Variants in FSTL4 observed in about 807,000 individuals in gnomAD.
FSTL4 encodes follistatin like 4.
A neutral mutation model predicts 78.2 loss-of-function variants in FSTL4; 28 were observed. The ratio of observed to expected loss-of-function variants is 0.36; its 90% CI spans 0.27 to 0.49. The LOEUF is 0.49. FSTL4 is among the 20% of genes least tolerant of loss of function. FSTL4 has a pLI of 0.98. For missense variants in FSTL4, 922 were observed against 1,084.9 expected (o/e 0.85, Z 2.11); for synonymous variants, 422 against 440.5 (o/e 0.96, Z 0.53).
At chr5:133,202,433 G>C (rs953767753) in intron 14 of FSTL4, 1 of 155,590 alleles carries the variant, frequency 6.4e-6, no homozygotes, top group South Asian at 2.0e-4. Context: ...ACCTCCTCTC[G>C]TAATGGGGAA....
chr5:133,808,592 A>G, the FSTL4 span, among the ~76,000 whole-genome samples: 6 of 152,222 alleles, frequency 3.9e-5, no homozygotes, highest in Non-Finnish European at 8.8e-5. Flanking sequence ...AAAATTAAAG[A>G]GAAAAGTTAA....
the FSTL4 span, among the ~76,000 whole-genome samples, chr5:133,815,434 C>T: frequency 9.9e-5 from 15 of 152,250 alleles, no homozygotes; most frequent in Admixed American, 5.2e-4. Context: ...GAGAGATTCA[C>T]GTTGGGTAAA....
In FSTL4 at chr5:133,513,785, C is replaced by T. The variant is rs192245174; in HGVS notation, c.160+53401G>A. On this transcript the variant is annotated intron_variant, in intron 3 of 15. Coordinates refer to ENST00000265342, the MANE Select transcript of FSTL4 (RefSeq NM_015082.2). Reference sequence around the variant, plus strand: ...AGGTGGGAGTAGAATCTGTACATTGCGACAAACAGAACATTATCCTGAAGG... The same window carrying T: ...AGGTGGGAGTAGAATCTGTACATTGTGACAAACAGAACATTATCCTGAAGG... Among the ~76,000 whole-genome samples, 366 of 152,148 alleles carry T rather than the reference C, an allele frequency of 2.4e-3. 1 individual carries two copies. Among genetic ancestry groups the T allele is most frequent in the Non-Finnish European group, 4.3e-3 (291 of 67,992 alleles).
the FSTL4 span, among the ~76,000 whole-genome samples, chr5:133,750,595 C>T: frequency 1.3e-5 from 2 of 152,086 alleles, no homozygotes; most frequent in Non-Finnish European, 1.5e-5. Context: ...GAGAGAGGAG[C>T]GCGAGGGAAA....
chr5:133,817,853 C>G, the FSTL4 span, among the ~76,000 whole-genome samples: 3 of 152,178 alleles, frequency 2.0e-5, no homozygotes, highest in African/African-American at 7.2e-5. Flanking sequence ...TTTCCATACC[C>G]TAAGTCACAT....
chr5:133,528,143 G>A (rs913948635), intron 3 of FSTL4, among the ~76,000 whole-genome samples: 4 of 152,126 alleles, frequency 2.6e-5, no homozygotes, highest in Non-Finnish European at 5.9e-5. Context: ...TGCTGTTTCC[G>A]TAACAATTTC....
At chr5:133,282,534 C>G (rs1469686774) in intron 6 of FSTL4, among the ~76,000 whole-genome samples, 1 of 152,224 alleles carries the variant, frequency 6.6e-6, no homozygotes. Context: ...AGGATCATTT[C>G]TCCCATACGA....
the FSTL4 span, among the ~76,000 whole-genome samples, chr5:133,774,805 ATAT>A: frequency 6.6e-6 from 1 of 152,162 alleles, no homozygotes; most frequent in African/African-American, 2.4e-5. Flanking sequence ...TGTTACATTG[ATAT>A]TATTAGGCTA....
At chr5:133,513,885 A>C (rs781551942) in intron 3 of FSTL4, among the ~76,000 whole-genome samples, 4 of 152,190 alleles carry the variant, frequency 2.6e-5, no homozygotes, top group Non-Finnish European at 4.4e-5. Flanking sequence ...AGAGAATTAA[A>C]TAAACTGTCG....
chr5:133,725,070 A>G, the FSTL4 span, among the ~76,000 whole-genome samples: 2 of 152,192 alleles, frequency 1.3e-5, no homozygotes, highest in Non-Finnish European at 2.9e-5. Flanking sequence ...TCATTGATCT[A>G]TGTGTCCATA....
chr5:133,462,752 G>A (rs1295709444), intron 3 of FSTL4, among the ~76,000 whole-genome samples: 9 of 152,228 alleles, frequency 5.9e-5, no homozygotes, highest in African/African-American at 2.2e-4. Context: ...ATGATAGAGT[G>A]GAAGGAAGCC....
At chr5:133,571,506 T>C (rs1719700952) in intron 2 of FSTL4, among the ~76,000 whole-genome samples, 1 of 152,220 alleles carries the variant, frequency 6.6e-6, no homozygotes, top group South Asian at 2.1e-4. Flanking sequence ...TTAGAATAAC[T>C]ATGGCTAATA....
At chr5:133,503,999 C>T (rs1478530116) in intron 3 of FSTL4, among the ~76,000 whole-genome samples, 1 of 152,124 alleles carries the variant, frequency 6.6e-6, no homozygotes, top group African/African-American at 2.4e-5. Context: ...GAGAGCCGAG[C>T]AAAGGGGGAA....
intron 3 of FSTL4, among the ~76,000 whole-genome samples, chr5:133,409,851 C>T (rs1756443298): frequency 6.6e-6 from 1 of 151,980 alleles, no homozygotes; most frequent in Admixed American, 6.6e-5. Context: ...GTAGAAAGCC[C>T]TCGGTGGGAG....
intron 3 of FSTL4, among the ~76,000 whole-genome samples, chr5:133,464,468 C>A (rs1175216995): frequency 6.6e-6 from 1 of 152,240 alleles, no homozygotes; most frequent in Non-Finnish European, 1.5e-5. Context: ...CTCTCTCTCT[C>A]TTTCACAAAA....
chr5:133,614,829 T>C (rs897325243), upstream of FSTL4, among the ~76,000 whole-genome samples: 1 of 152,174 alleles, frequency 6.6e-6, no homozygotes, highest in African/African-American at 2.4e-5. Context: ...TTCCAGTTAC[T>C]GCCCCCCAGC....
chr5:133,213,111 TCCTGTTTCAG>T (rs1750793142), intron 13 of FSTL4, among the ~76,000 whole-genome samples: 1 of 151,092 alleles, frequency 6.6e-6, no homozygotes, highest in Non-Finnish European at 1.5e-5. Context: ...CAAGTGATTC[TCCTGTTTCAG>T]CCTCCCAAGT....
At chr5:133,222,548 G>A (rs73273877) in intron 11 of FSTL4, among the ~76,000 whole-genome samples, 3 of 152,276 alleles carry the variant, frequency 2.0e-5, no homozygotes, top group South Asian at 4.2e-4. Context: ...TTAGAAAATC[G>A]GTAGTTGGAA....
the FSTL4 span, among the ~76,000 whole-genome samples, chr5:133,812,893 G>A: frequency 1.3e-5 from 2 of 152,168 alleles, no homozygotes; most frequent in East Asian, 1.9e-4. Context: ...ATGACCTGGG[G>A]GCTCGGCTGC....
Sources: allele counts gnomAD v4.1 joint callset (sites outside exome capture counted in the v4.1 genomes callset), GRCh38; gene constraint gnomAD v4.1.1; transcripts MANE v1.5; gene names NCBI Gene and HGNC (gene_info 2026-07-23, HGNC 2026-07-21).